Variants in SGCZ observed in about 807,000 individuals in gnomAD.
SGCZ encodes the protein sarcoglycan zeta.
A neutral mutation model predicts 41.3 loss-of-function variants in SGCZ; 40 were observed. The observed-to-expected ratio is 0.97, with a 90% confidence interval of 0.75 to 1.26. The LOEUF is 1.26. Among genes scored for constraint, SGCZ ranks in the 50% most tolerant of loss-of-function variants. The pLI, the probability that SGCZ is intolerant of heterozygous loss-of-function variation, is 0.00. For synonymous variants in SGCZ, 206 were observed against 137.5 expected (o/e 1.50, Z -3.49); for missense variants, 552 against 369.8 (o/e 1.49, Z -4.04).
At chr8:15,226,819 T>C (rs1174518173) in intron 1 of SGCZ, among the ~76,000 whole-genome samples, 2 of 150,488 alleles carry the variant, frequency 1.3e-5, no homozygotes, top group Non-Finnish European at 3.0e-5. Context: ...GGTCTAGGGT[T>C]CTAACAGAAG....
At chr8:15,046,484 T>G (rs1243629937) in intron 1 of SGCZ, among the ~76,000 whole-genome samples, 1 of 152,012 alleles carries the variant, frequency 6.6e-6, no homozygotes, top group East Asian at 1.9e-4. Flanking sequence ...TATTCCAGAT[T>G]TGGCCAGTGA....
chr8:14,314,907 A>C (rs1801664352), intron 3 of SGCZ, among the ~76,000 whole-genome samples: 1 of 152,188 alleles, frequency 6.6e-6, no homozygotes, highest in African/African-American at 2.4e-5. Flanking sequence ...AAGGAGGTTT[A>C]GATGAATTAT....
At chr8:14,228,045 G>A (rs1806434201) in intron 4 of SGCZ, among the ~76,000 whole-genome samples, 1 of 151,216 alleles carries the variant, frequency 6.6e-6, no homozygotes, top group South Asian at 2.1e-4. Context: ...ATGATCTTCT[G>A]TGTACATATG....
chr8:15,195,841 A>C (rs1024568318), intron 1 of SGCZ, among the ~76,000 whole-genome samples: 39 of 151,612 alleles, frequency 2.6e-4, no homozygotes, highest in African/African-American at 9.0e-4. Flanking sequence ...ACAAGCTAAT[A>C]GCTACTCTTT....
At chr8:15,056,517 G>C (rs58710427) in intron 1 of SGCZ, among the ~76,000 whole-genome samples, 5 of 149,696 alleles carry the variant, frequency 3.3e-5, no homozygotes, top group Non-Finnish European at 7.4e-5. Flanking sequence ...TTGTTTTTCT[G>C]TCTTCTTTGC....
At chr8:15,132,769 G>T (rs1031499433) in intron 1 of SGCZ, among the ~76,000 whole-genome samples, 2 of 152,250 alleles carry the variant, frequency 1.3e-5, no homozygotes, top group Admixed American at 1.3e-4. Flanking sequence ...GTCAGCAAAT[G>T]CTTCCTCTCT....
chr8:14,415,401 G>C (rs1799467684), intron 2 of SGCZ, among the ~76,000 whole-genome samples: 1 of 151,838 alleles, frequency 6.6e-6, no homozygotes. Context: ...TTGAGCCAAT[G>C]AGTTAATGCT....
chr8:14,506,640 T>C (rs775283865), intron 2 of SGCZ, among the ~76,000 whole-genome samples: 1 of 152,232 alleles, frequency 6.6e-6, no homozygotes, highest in Non-Finnish European at 1.5e-5. Context: ...TTTCCCCTTC[T>C]GTCTGGACTT....
chr8:14,662,912 C>A (rs907375766), intron 1 of SGCZ, among the ~76,000 whole-genome samples: 17 of 152,040 alleles, frequency 1.1e-4, no homozygotes, highest in Non-Finnish European at 2.1e-4. Context: ...GTGACAGTCT[C>A]TAGAAGATAG....
Position 14,558,343 on chromosome 8 carries a change from G to A in SGCZ, c.40-3417C>T, listed in dbSNP as rs74360222. 2.0e-5 allele frequency among the ~76,000 whole-genome samples: 3 copies of A among 152,082 alleles called. No homozygotes were observed. The East Asian group carries it at 5.8e-4, about 29-fold the overall frequency. On this transcript the variant is annotated intron_variant, in intron 1 of 7. Coordinates refer to ENST00000382080, the MANE Select transcript of SGCZ (RefSeq NM_139167.4). ...TAATCTCAGTACTTTTGGAAGCCAA[G>A]GCAGGTGGATCACTTGAGGTCAGGA...
rs150450212 is a variant in SGCZ, at chr8:14,251,810, G to C, written c.337-14131C>G. Among the ~76,000 whole-genome samples the C allele has an allele frequency of 1.7e-3, 258 of 152,104 alleles. 1 individual carries two copies. Among genetic ancestry groups the C allele is most frequent in the African/African-American group, 5.7e-3 (238 of 41,510 alleles). ...GTGGCCTGGGATACTTTGCCTCCCG[G>C]GTTCAAGTGGTTCTCCTGCCTCAGC... On this transcript the variant is annotated intron_variant, in intron 3 of 7. Transcript: ENST00000382080.
At chr8:14,237,524 C>A in intron 4 of SGCZ, 68 bp downstream of exon 4, 1 of 1,442,464 alleles carries the variant, frequency 6.9e-7, no homozygotes, top group South Asian at 1.2e-5. Context: ...CAACAAGAAC[C>A]AAAAACCAAA....
chr8:14,676,346 A>ATGTGTGTGTGTGTGTGTGTGTGTG (rs33909996), intron 1 of SGCZ, among the ~76,000 whole-genome samples: 1,889 of 149,356 alleles, frequency 0.013, 10 homozygotes, highest in Admixed American at 0.021. Context: ...AATGAAATAG[A>ATGTGTGTGTGTGTGTGTGTGTGTG]TGTGTGTGTG....
intron 1 of SGCZ, among the ~76,000 whole-genome samples, chr8:15,046,654 C>T (rs1273373638): frequency 1.3e-5 from 2 of 151,974 alleles, no homozygotes; most frequent in Non-Finnish European, 2.9e-5. Context: ...CATCCAGAAA[C>T]TAAGATCAGG....
chr8:14,827,129 T>A (rs977886284), intron 1 of SGCZ, among the ~76,000 whole-genome samples: 2 of 151,020 alleles, frequency 1.3e-5, no homozygotes, highest in African/African-American at 2.4e-5. Context: ...CAGACCACCT[T>A]TCAGCATGGC....
rs894373352 is a variant in SGCZ at position 14,484,521 on chromosome 8, T to G, written c.234+70211A>C. On this transcript the variant is annotated intron_variant, in intron 2 of 7. Transcript: ENST00000382080. ...GCTATCTTGGTTAGCAGTTTCCCGG[T>G]TTTTTTACACACATAGAACAAATGT... Among the ~76,000 whole-genome samples, 4 of 152,114 alleles carry G rather than the reference T, an allele frequency of 2.6e-5. No individual in the cohort carries two copies. In the East Asian group the frequency reaches 7.7e-4, roughly 29 times the overall value.
At chr8:14,361,627 G>A (rs886868524) in intron 2 of SGCZ, among the ~76,000 whole-genome samples, 1 of 152,152 alleles carries the variant, frequency 6.6e-6, no homozygotes, top group African/African-American at 2.4e-5. Context: ...GTTAGAACAT[G>A]CTCCGTTAGC....
At chr8:14,199,163 A>G (rs1216855358) in intron 4 of SGCZ, among the ~76,000 whole-genome samples, 3 of 152,190 alleles carry the variant, frequency 2.0e-5, no homozygotes, top group Non-Finnish European at 4.4e-5. Context: ...ATACTGCTGA[A>G]TTCTTTTTCT....
Position 14,090,083 on chromosome 8 carries a change from G to C in SGCZ, c.*360C>G, listed in dbSNP as rs1257340595. 6.1e-6 allele frequency: 1 copy of C among 163,560 alleles called. No homozygotes were observed. The highest frequency in any genetic ancestry group is 6.4e-5 in the Admixed American group (1 of 15,562). The allele number at this position is 163,560 out of a possible 1,614,324, so 10.1% of individuals were successfully genotyped here. A position where few individuals can be genotyped will look rare whatever the true frequency, so the allele number is the denominator to read the frequency against. ...ATTTCATCTTGCCATTGGATACTGG[G>C]AATTTCATTTATGTAATGTATATAT... On this transcript the variant is annotated 3_prime_UTR_variant, in exon 8 of 8. Transcript: ENST00000382080.
Sources: gnomAD v4.1 joint callset for allele counts (sites outside exome capture counted in the v4.1 genomes callset) on GRCh38, gnomAD v4.1.1 for gene constraint, MANE v1.5 for transcripts, NCBI Gene and HGNC (gene_info 2026-07-23, HGNC 2026-07-21) for gene names.